Variants in NKAIN3 observed in about 807,000 individuals in gnomAD.
NKAIN3 encodes sodium/potassium-transporting ATPase subunit beta-1-interacting protein 3.
In NKAIN3, 25 loss-of-function variants were observed where a neutral mutation model predicts 30.2. That is an observed-to-expected ratio of 0.83 (90% CI 0.60 to 1.16). NKAIN3 has a LOEUF of 1.16. NKAIN3 is among the 50% of genes most tolerant of loss of function. NKAIN3 has a pLI of 0.00. For missense variants in NKAIN3, 225 were observed against 254.1 expected (o/e 0.89, Z 0.78); for synonymous variants, 91 against 89.6 (o/e 1.02, Z -0.09).
intron 1 of NKAIN3, among the ~76,000 whole-genome samples, chr8:62,438,695 G>T (rs1324909427): frequency 2.0e-5 from 3 of 152,136 alleles, no homozygotes; most frequent in African/African-American, 7.2e-5. Context: ...TCAAGTAGCT[G>T]GGACTACAGG....
At chr8:62,553,111 C>A (rs1228281344) in intron 1 of NKAIN3, among the ~76,000 whole-genome samples, 2 of 152,150 alleles carry the variant, frequency 1.3e-5, no homozygotes, top group South Asian at 2.1e-4. Context: ...CACTCTAGTG[C>A]AGAAATGTAT....
intron 4 of NKAIN3, among the ~76,000 whole-genome samples, chr8:62,788,895 T>A (rs1817612700): frequency 6.6e-6 from 1 of 152,040 alleles, no homozygotes; most frequent in Non-Finnish European, 1.5e-5. Flanking sequence ...TTGGTCTATA[T>A]CTGTTTTGGA....
At chr8:62,481,562 C>T (rs1340914765) in intron 1 of NKAIN3, among the ~76,000 whole-genome samples, 1 of 152,182 alleles carries the variant, frequency 6.6e-6, no homozygotes, top group Non-Finnish European at 1.5e-5. Flanking sequence ...CCAGCTAGCA[C>T]AGAGGCAGGC....
chr8:62,419,811 G>A lies in NKAIN3; in HGVS notation c.55-159728G>A, dbSNP rs186354355. On this transcript the variant is annotated intron_variant, in intron 1 of 6. Coordinates refer to ENST00000623646, the MANE Select transcript of NKAIN3 (RefSeq NM_001304533.3). ...TCTCCAATGGATATTAATATGTGAC[G>A]CAAAGATTAAAATGTTTTGCATCAG... 4.5e-3 allele frequency among the ~76,000 whole-genome samples: 683 copies of A among 152,166 alleles called. 4 individuals are homozygous for A. Among genetic ancestry groups the A allele is most frequent in the African/African-American group, 0.015 (626 of 41,530 alleles).
intron 1 of NKAIN3, among the ~76,000 whole-genome samples, chr8:62,426,963 T>C (rs1316129666): frequency 6.6e-6 from 1 of 151,944 alleles, no homozygotes; most frequent in East Asian, 1.9e-4. Context: ...TAAGCACCTG[T>C]AGATCACAGG....
At chr8:62,743,015 G>T (rs1815954449) in intron 3 of NKAIN3, among the ~76,000 whole-genome samples, 1 of 152,088 alleles carries the variant, frequency 6.6e-6, no homozygotes, top group Non-Finnish European at 1.5e-5. Context: ...CACTAGAATA[G>T]CATGGGGAAA....
At chr8:62,603,768 G>T (rs966250236) in intron 3 of NKAIN3, among the ~76,000 whole-genome samples, 1 of 152,052 alleles carries the variant, frequency 6.6e-6, no homozygotes, top group Non-Finnish European at 1.5e-5. Flanking sequence ...AGCTACCTTA[G>T]CATAGGAGTC....
chr8:62,878,238 AT>A (rs1430323342), intron 4 of NKAIN3, among the ~76,000 whole-genome samples: 1 of 151,990 alleles, frequency 6.6e-6, no homozygotes, highest in South Asian at 2.1e-4. Flanking sequence ...ACAATTCTAA[AT>A]TTTTTTTCTG....
At chr8:62,863,218 T>G in intron 4 of NKAIN3, 1 of 1,559,068 alleles carries the variant, frequency 6.4e-7, no homozygotes, top group South Asian at 1.1e-5. Context: ...TAACTCAGCC[T>G]GCCTCTTCTG....
At chr8:62,727,963 AGTTGGAT>A (rs1471425492) in intron 3 of NKAIN3, among the ~76,000 whole-genome samples, 1 of 152,188 alleles carries the variant, frequency 6.6e-6, no homozygotes, top group Non-Finnish European at 1.5e-5. Context: ...TCTTTGCAAA[AGTTGGAT>A]AAGTTTTGCA....
chr8:62,587,196 G>T (rs954164210), intron 2 of NKAIN3, among the ~76,000 whole-genome samples: 21 of 151,798 alleles, frequency 1.4e-4, no homozygotes, highest in African/African-American at 4.8e-4. Context: ...CTCATGATCA[G>T]ATTTGTGTCT....
At chr8:62,702,202 A>C (rs16929454) in intron 3 of NKAIN3, among the ~76,000 whole-genome samples, 1 of 152,062 alleles carries the variant, frequency 6.6e-6, no homozygotes, top group Non-Finnish European at 1.5e-5. Context: ...ATTCTTCTAC[A>C]GTGGCATATG....
In NKAIN3 at chr8:62,539,400, T is replaced by C. The variant is rs577371401; in HGVS notation, c.55-40139T>C. On this transcript the variant is annotated intron_variant, in intron 1 of 6. Coordinates refer to ENST00000623646, the MANE Select transcript of NKAIN3 (RefSeq NM_001304533.3). ...TTGTAAAACTGACAGAAAACAAGTGTAGGGATTTATTTCAGCTTTACTGCA... is the reference window on the plus strand; with the variant it reads ...TTGTAAAACTGACAGAAAACAAGTGCAGGGATTTATTTCAGCTTTACTGCA... 3.3e-5 allele frequency among the ~76,000 whole-genome samples: 5 copies of C among 152,302 alleles called. No individual in the cohort carries two copies. The East Asian group carries it at 9.7e-4, about 29-fold the overall frequency.
chr8:62,567,491 A>G (rs947796328), intron 1 of NKAIN3, among the ~76,000 whole-genome samples: 1 of 152,164 alleles, frequency 6.6e-6, no homozygotes, highest in African/African-American at 2.4e-5. Flanking sequence ...TCACAGATGA[A>G]ATTAAGTATT....
intron 1 of NKAIN3, among the ~76,000 whole-genome samples, chr8:62,492,952 C>G (rs1488987953): frequency 6.6e-6 from 1 of 152,054 alleles, no homozygotes; most frequent in Admixed American, 6.6e-5. Flanking sequence ...AGACCTTTGT[C>G]AGATGCGTAG....
intron 1 of NKAIN3, among the ~76,000 whole-genome samples, chr8:62,461,363 G>A (rs891645285): frequency 1.3e-5 from 2 of 152,190 alleles, no homozygotes; most frequent in Admixed American, 1.3e-4. Flanking sequence ...GACCGTAAGT[G>A]CATTCCCAGA....
chr8:62,955,787 C>A (rs1160030308), intron 6 of NKAIN3, among the ~76,000 whole-genome samples: 1 of 152,188 alleles, frequency 6.6e-6, no homozygotes, highest in Non-Finnish European at 1.5e-5. Context: ...GAATCAAAAA[C>A]ACCCAAAACA....
intron 1 of NKAIN3, among the ~76,000 whole-genome samples, chr8:62,362,713 AG>A (rs1816604221): frequency 6.6e-6 from 1 of 152,262 alleles, no homozygotes; most frequent in Non-Finnish European, 1.5e-5. Flanking sequence ...ACTTTAATTG[AG>A]CAATGAAGGA....
chr8:62,897,820 T>C (rs1821480186), intron 4 of NKAIN3, among the ~76,000 whole-genome samples: 1 of 152,020 alleles, frequency 6.6e-6, no homozygotes, highest in African/African-American at 2.4e-5. Context: ...TTGGTTTCAT[T>C]CTCCCTCCAT....
Sources: allele counts gnomAD v4.1 joint callset (sites outside exome capture counted in the v4.1 genomes callset), GRCh38; gene constraint gnomAD v4.1.1; transcripts MANE v1.5; gene names NCBI Gene and HGNC (gene_info 2026-07-23, HGNC 2026-07-21).